TRIB2: variants seen among roughly 807,000 people sequenced by gnomAD.
TRIB2 encodes the protein tribbles pseudokinase 2, also known as tribbles homolog 2.
In TRIB2, 2 loss-of-function variants were observed where a neutral mutation model predicts 26.8. The observed-to-expected ratio is 0.07, with a 90% CI of 0.03 to 0.24. TRIB2 has a LOEUF of 0.24. Ranked by LOEUF, TRIB2 falls within the 10% of genes least tolerant of loss-of-function variation. The pLI, the probability that TRIB2 is intolerant of heterozygous loss-of-function variation, is 1.00. For missense variants in TRIB2, 306 were observed against 449.0 expected, an observed-to-expected ratio of 0.68 and a Z score of 2.88; for synonymous variants, 189 against 187.3, an observed-to-expected ratio of 1.01 and a Z score of -0.08.
At position 12,735,986 on chromosome 2, in the gene TRIB2, A is replaced by G. The variant is rs192795462; in HGVS notation, c.564-4340A>G. On this transcript the variant is annotated intron_variant, in intron 2 of 2. Transcript: ENST00000155926. ...TCTGGGTGCTCATCTTGAGGTAGGA[A>G]AGGTGAAAGGTGAACTCCAGCTTGG... 1.8e-4 allele frequency among the ~76,000 whole-genome samples: 28 copies of G among 152,258 alleles called. No individual in the cohort carries two copies. In the East Asian group the frequency reaches 5.0e-3, roughly 27 times the overall value.
intron 2 of TRIB2, among the ~76,000 whole-genome samples, chr2:12,726,251 C>T (rs908020745): frequency 2.6e-5 from 4 of 152,232 alleles, no homozygotes; most frequent in Non-Finnish European, 1.5e-5. Flanking sequence ...GGGAATCATG[C>T]CTAGTCACCT....
At position 12,717,456 on chromosome 2, in the gene TRIB2, A is replaced by G. The variant is rs926212510; in HGVS notation, c.-852A>G. The G allele has an allele frequency of 2.5e-6, 1 of 398,476 alleles. No individual in the cohort carries two copies. The highest frequency in any genetic ancestry group is 3.6e-5 in the East Asian group (1 of 28,052). 24.7% of individuals were successfully genotyped at this position (398,476 alleles called of 1,614,324 possible). On this transcript the variant is annotated 5_prime_UTR_variant, in exon 1 of 3. It removes an upstream start codon present in the reference 5' UTR. Transcript: ENST00000155926. The surrounding 1 kb of genome is among the most constrained non-coding windows in gnomAD (Gnocchi z 4.8). Reference sequence around the variant, plus strand: ...TGGGGCGCGAGCGAGCGGCGACAGCATGAGCCTGTGCTGACCTCCGCGCGG... The same window carrying G: ...TGGGGCGCGAGCGAGCGGCGACAGCGTGAGCCTGTGCTGACCTCCGCGCGG...
intron 1 of TRIB2, among the ~76,000 whole-genome samples, chr2:12,720,488 C>A (rs1661184231): frequency 6.6e-6 from 1 of 152,134 alleles, no homozygotes; most frequent in Non-Finnish European, 1.5e-5. Flanking sequence ...TGTGTATCTC[C>A]GAAGAAGCTC....
chr2:12,730,390 T>C (rs1341687388), intron 2 of TRIB2, among the ~76,000 whole-genome samples: 6 of 152,138 alleles, frequency 3.9e-5, no homozygotes, highest in Admixed American at 6.5e-5. Context: ...CTCCAGGAAA[T>C]AGACAACAGG....
intron 2 of TRIB2, among the ~76,000 whole-genome samples, chr2:12,734,624 C>T (rs765716540): frequency 5.9e-5 from 9 of 152,252 alleles, no homozygotes; most frequent in South Asian, 2.1e-4. Context: ...CTAGGCTCCT[C>T]GGTAGATACC....
chr2:12,725,189 T>C (rs1661311218), intron 2 of TRIB2, among the ~76,000 whole-genome samples: 1 of 152,198 alleles, frequency 6.6e-6, no homozygotes, highest in South Asian at 2.1e-4. Context: ...GGGATCTGTG[T>C]TTTTAAGTGT....
rs509761 is a variant in TRIB2 at position 12,718,076 on chromosome 2, C to A, written c.-232C>A. 22 of 583,680 alleles carry A rather than the reference C, an allele frequency of 3.8e-5. No individual in the cohort carries two copies. The highest frequency in any genetic ancestry group is 6.6e-5 in the Non-Finnish European group (22 of 333,944). The allele number at this position is 583,680 out of a possible 1,614,324, so 36.2% of individuals were successfully genotyped here. On this transcript the variant is annotated 5_prime_UTR_variant, in exon 1 of 3. Coordinates refer to ENST00000155926, the MANE Select transcript of TRIB2 (RefSeq NM_021643.4). The surrounding 1 kb of genome is among the most constrained non-coding windows in gnomAD (Gnocchi z 4.0). ...GACTGCTTTGGGGTAACAAAAAGAC[C>A]CGAGTTGCCTGCCGACCGAGGACCC...
At chr2:12,724,494 C>G in intron 2 of TRIB2, 1 of 1,424,940 alleles carries the variant, frequency 7.0e-7, no homozygotes, top group Non-Finnish European at 9.4e-7. Flanking sequence ...GAATGAGGCC[C>G]CACATAATGT....
At chr2:12,733,407 AG>A (rs1320897463) in intron 2 of TRIB2, among the ~76,000 whole-genome samples, 2 of 152,226 alleles carry the variant, frequency 1.3e-5, no homozygotes, top group African/African-American at 4.8e-5. Flanking sequence ...CAGTGATTTT[AG>A]TACCAGAATG....
intron 2 of TRIB2, among the ~76,000 whole-genome samples, chr2:12,736,044 C>A (rs576788961): frequency 6.6e-6 from 1 of 152,166 alleles, no homozygotes; most frequent in South Asian, 2.1e-4. Flanking sequence ...AGAGTGGAGG[C>A]CTTAACCATT....
At position 12,723,339 on chromosome 2, in the gene TRIB2, C is replaced by T; in HGVS notation, c.350C>T (p.Thr117Ile). Reference protein sequence around the residue: ...LSAHSNINQITEIILGETKAY... With the variant: ...LSAHSNINQIIEIILGETKAY... Reference sequence around the variant, plus strand: ...GCTCATAGTAACATCAACCAAATCACTGAAATTATCCTGGGTGAGACCAAA... The same window carrying T: ...GCTCATAGTAACATCAACCAAATCATTGAAATTATCCTGGGTGAGACCAAA... The change falls in exon 2 of 3, where the codon ACT becomes ATT. Residue 117 changes from threonine to isoleucine, a missense_variant. By Grantham distance (89) the Thr-to-Ile change is moderately conservative (BLOSUM62 -1). Coordinates refer to ENST00000155926, the MANE Select transcript of TRIB2 (RefSeq NM_021643.4). 6.2e-7 allele frequency: 1 copy of T among 1,614,250 alleles called. No homozygotes were observed. Among genetic ancestry groups the T allele is most frequent in the Non-Finnish European group, 8.5e-7 (1 of 1,180,040 alleles).
At chr2:12,734,193 T>C (rs922136036) in intron 2 of TRIB2, among the ~76,000 whole-genome samples, 3 of 152,198 alleles carry the variant, frequency 2.0e-5, no homozygotes, top group Non-Finnish European at 4.4e-5. Flanking sequence ...GGGAGATGTC[T>C]CTTCCCCTGA....
chr2:12,718,389 T>G lies in TRIB2; in HGVS notation c.82T>G (p.Ser28Ala), dbSNP rs763495130. ...RNKTQDFEEL[S>A]SIRSAEPSQS... ...CAAAACCCAGGATTTCGAAGAGTTG[T>G]CGTCTATAAGGTCCGCGGAGCCCAG... The change falls in exon 1 of 3, where the codon TCG becomes GCG. Residue 28 changes from serine to alanine, a missense_variant. This residue lies in a region of TRIB2 where 99 missense variants were observed against 106.5 expected (regional missense o/e 0.93). Transcript: ENST00000155926. The surrounding 1 kb of genome is among the most constrained non-coding windows in gnomAD (Gnocchi z 4.0). The G allele has an allele frequency of 1.2e-6, 2 of 1,614,192 alleles. No homozygotes were observed. Among genetic ancestry groups the G allele is most frequent in the Non-Finnish European group, 1.7e-6 (2 of 1,180,024 alleles).
At chr2:12,727,849 G>A (rs939592351) in intron 2 of TRIB2, among the ~76,000 whole-genome samples, 2 of 152,246 alleles carry the variant, frequency 1.3e-5, no homozygotes, top group African/African-American at 2.4e-5. Context: ...GTGTAGTAGC[G>A]GCCACCCTGC....
chr2:12,723,037 T>C (rs1661259624), intron 1 of TRIB2, among the ~76,000 whole-genome samples: 1 of 152,172 alleles, frequency 6.6e-6, no homozygotes, highest in African/African-American at 2.4e-5. Flanking sequence ...GAGTCAAGTA[T>C]CAGTTTCCCA....
In TRIB2 at chr2:12,741,027, C is replaced by T. The variant is rs931749337; in HGVS notation, c.*233C>T. 28 of 527,554 alleles carry T rather than the reference C, an allele frequency of 5.3e-5. No individual in the cohort carries two copies. The highest frequency in any genetic ancestry group is 3.4e-4 in the African/African-American group (18 of 52,626). 32.7% of individuals were successfully genotyped at this position (527,554 alleles called of 1,614,324 possible). A position where few individuals can be genotyped will look rare whatever the true frequency, so the allele number is the denominator to read the frequency against. On this transcript the variant is annotated 3_prime_UTR_variant, in exon 3 of 3. Transcript: ENST00000155926. The stretch of plus-strand genomic sequence containing the variant: ...ATGGGAGCCCGCTGGAGCTTGTCTT[C>T]CCTAACATAGCCTGGGAGACCACCC...
rs964914868 is a variant in TRIB2, at chr2:12,732,976, G to A, written c.564-7350G>A. Among the ~76,000 whole-genome samples, 2 of 152,196 alleles carry A rather than the reference G, an allele frequency of 1.3e-5. No individual in the cohort carries two copies. Among genetic ancestry groups the A allele is most frequent in the African/African-American group, 4.8e-5 (2 of 41,448 alleles). On this transcript the variant is annotated intron_variant, in intron 2 of 2. Coordinates refer to ENST00000155926, the MANE Select transcript of TRIB2 (RefSeq NM_021643.4). This position sits in a 1 kb window ranked among gnomAD's most constrained non-coding sequence, Gnocchi z 4.2. Reference sequence around the variant, plus strand: ...TTCCCATCCCTGCCAGGCCCACTTTGTCTGGCTGAACTCCCAGCTCAGCCC... The same window carrying A: ...TTCCCATCCCTGCCAGGCCCACTTTATCTGGCTGAACTCCCAGCTCAGCCC...
At position 12,717,118 on chromosome 2, in the gene TRIB2, C is replaced by T. The variant is rs891102454; in HGVS notation, c.-1190C>T. ...CCTTTAATTTTTAAATACACGGTCC[C>T]CTCTTTTCTCTGGGGGGGGCAAGCA... is the stretch of plus-strand genomic sequence containing the variant. On this transcript the variant is annotated 5_prime_UTR_variant, in exon 1 of 3. Transcript: ENST00000155926. The surrounding 1 kb of genome is among the most constrained non-coding windows in gnomAD (Gnocchi z 4.8). 3 of 354,022 alleles carry T rather than the reference C, an allele frequency of 8.5e-6. No individual in the cohort carries two copies. The highest frequency in any genetic ancestry group is 6.3e-5 in the African/African-American group (3 of 47,638). 21.9% of individuals were successfully genotyped at this position (354,022 alleles called of 1,614,324 possible).
Position 12,723,502 on chromosome 2 carries a change from G to C in TRIB2, c.513G>C (p.Leu171=). Residue 171 remains leucine (L), a synonymous_variant, in exon 2 of 3, where the codon CTG becomes CTC. Coordinates refer to ENST00000155926, the MANE Select transcript of TRIB2 (RefSeq NM_021643.4). The part of the protein sequence containing the change: ...SAVAHCHDGG[L]VLRDLKLRKF... ...TGGCCCACTGCCATGACGGGGGGCT[G>C]GTGCTGCGGGACCTCAAGCTGCGGA... The C allele has an allele frequency of 1.9e-6, 3 of 1,614,208 alleles. No individual in the cohort carries two copies. Among genetic ancestry groups the C allele is most frequent in the Non-Finnish European group, 2.5e-6 (3 of 1,180,032 alleles).
Sources: gnomAD v4.1 joint callset for allele counts (sites outside exome capture counted in the v4.1 genomes callset) on GRCh38, gnomAD v4.1.1 for gene constraint, gnomAD v4.1.1 regional missense constraint, Gnocchi (gnomAD v3.1) non-coding constraint, MANE v1.5 for transcripts, NCBI Gene and HGNC (gene_info 2026-07-23, HGNC 2026-07-21) for gene names.